The following TMEM45B variants were observed in gnomAD, a reference collection of about 807,000 sequenced individuals.
TMEM45B encodes the protein transmembrane protein 45B.
TMEM45B carries 29 observed loss-of-function variants against 27.3 expected under a neutral mutation model. The observed-to-expected ratio is 1.06, with a 90% CI of 0.79 to 1.45. The LOEUF (loss-of-function observed/expected upper bound fraction) is 1.45. TMEM45B is among the 40% of genes most tolerant of loss of function. The pLI is 0.00. For synonymous variants in TMEM45B, 143 were observed against 134.7 expected (o/e 1.06, Z -0.43); for missense variants, 348 against 343.9 (o/e 1.01, Z -0.09).
At position 129,858,262 on chromosome 11, in the gene TMEM45B, A is replaced by C. The variant is rs139099025; in HGVS notation, c.717-312A>C. On this transcript the variant is annotated intron_variant, in intron 5 of 5. Coordinates refer to ENST00000281441, the MANE Select transcript of TMEM45B (RefSeq NM_138788.5). Reference sequence around the variant, plus strand: ...GGTGATTTTTGCCATTATTTCATCCAGAAAGAGTTCCACACGGACCAAAGA... The same window carrying C: ...GGTGATTTTTGCCATTATTTCATCCCGAAAGAGTTCCACACGGACCAAAGA... Among the ~76,000 whole-genome samples the C allele has an allele frequency of 2.0e-5, 3 of 152,314 alleles. No homozygotes were observed. The East Asian group carries it at 5.8e-4, about 29-fold the overall frequency.
chr11:129,854,856 C>T (rs763038134), intron 3 of TMEM45B, 40 bp downstream of exon 3: 2 of 1,593,348 alleles, frequency 1.3e-6, no homozygotes, highest in Non-Finnish European at 1.7e-6. Flanking sequence ...GAGAGCCTGA[C>T]AAGTCATATT....
At chr11:129,850,970 A>G (rs1947838739) in intron 1 of TMEM45B, among the ~76,000 whole-genome samples, 1 of 152,000 alleles carries the variant, frequency 6.6e-6, no homozygotes, top group Non-Finnish European at 1.5e-5. Flanking sequence ...AATGTTATAA[A>G]CTCCTCTGGT....
chr11:129,819,265 G>A (rs965833380), intron 1 of TMEM45B, among the ~76,000 whole-genome samples: 1 of 152,208 alleles, frequency 6.6e-6, no homozygotes, highest in Non-Finnish European at 1.5e-5. Flanking sequence ...GTCATTAGAC[G>A]TTCATTCAGC....
intron 1 of TMEM45B, among the ~76,000 whole-genome samples, chr11:129,829,907 A>G (rs900647491): frequency 6.6e-6 from 1 of 152,256 alleles, no homozygotes; most frequent in Admixed American, 6.5e-5. Flanking sequence ...AGAAAGATAG[A>G]CAAGATGCCA....
chr11:129,843,742 T>C (rs1174488913), intron 1 of TMEM45B, among the ~76,000 whole-genome samples: 1 of 152,146 alleles, frequency 6.6e-6, no homozygotes, highest in East Asian at 1.9e-4. Context: ...CAATAAGATA[T>C]TACCTTATAC....
chr11:129,835,979 A>G (rs553093162), intron 1 of TMEM45B, among the ~76,000 whole-genome samples: 22 of 152,244 alleles, frequency 1.4e-4, no homozygotes, highest in Admixed American at 2.0e-4. Context: ...ATAGCCTTGC[A>G]TGGTGGCTCA....
At chr11:129,833,098 C>T (rs1219945471) in intron 1 of TMEM45B, among the ~76,000 whole-genome samples, 7 of 151,614 alleles carry the variant, frequency 4.6e-5, no homozygotes, top group East Asian at 2.0e-4. Flanking sequence ...AAAAATTACC[C>T]GGTTGTGGTG....
At chr11:129,847,407 A>ATTTTTTTTTTT (rs5795680) in intron 1 of TMEM45B, among the ~76,000 whole-genome samples, 10 of 67,930 alleles carry the variant, frequency 1.5e-4, no homozygotes, top group South Asian at 5.6e-4. Flanking sequence ...TTATGAAGTT[A>ATTTTTTTTTTT]TTTTTTTTTA....
intron 1 of TMEM45B, among the ~76,000 whole-genome samples, chr11:129,837,062 A>G (rs1947629116): frequency 6.6e-6 from 1 of 152,190 alleles, no homozygotes; most frequent in Non-Finnish European, 1.5e-5. Context: ...AGTCTCAGCA[A>G]TGCCGAGGCT....
Position 129,840,946 on chromosome 11 carries a change from TAAAAA to T in TMEM45B, c.-8-11509_-8-11505del, listed in dbSNP as rs55905045. 9.6e-4 allele frequency among the ~76,000 whole-genome samples: 28 copies of T among 29,268 alleles called. No homozygotes were observed. In the East Asian group the frequency reaches 0.015, roughly 16 times the overall value. 19.2% of individuals were successfully genotyped at this position (29,268 alleles called of 152,430 possible). ...CAAAGAGGCAGGCAATTTCTTTCTGTAAAAAAAAAAAAAAAAAAAAAAAAGCAACA... is the reference window on the plus strand; with the variant it reads ...CAAAGAGGCAGGCAATTTCTTTCTGTAAAAAAAAAAAAAAAAAAAGCAACA... On this transcript the variant is annotated intron_variant, in intron 1 of 5. Coordinates refer to ENST00000281441, the MANE Select transcript of TMEM45B (RefSeq NM_138788.5).
chr11:129,847,411 T>TTTTTTATTTA lies in TMEM45B; in HGVS notation c.-8-5055_-8-5054insATTTTTATTT, dbSNP rs1565370723. The stretch of plus-strand genomic sequence containing the variant: ...TTTTTAAAAGCTTATGAAGTTATTT[T>TTTTTTATTTA]TTTTTATTTTTTTTTATTGATCATT... On this transcript the variant is annotated intron_variant, in intron 1 of 5. Coordinates refer to ENST00000281441, the MANE Select transcript of TMEM45B (RefSeq NM_138788.5). 6.4e-4 allele frequency among the ~76,000 whole-genome samples: 55 copies of TTTTTTATTTA among 86,420 alleles called. No homozygotes were observed. The East Asian group carries it at 0.014, about 22-fold the overall frequency. The allele number at this position is 86,420 out of a possible 152,430, so 56.7% of individuals were successfully genotyped here.
intron 1 of TMEM45B, among the ~76,000 whole-genome samples, chr11:129,840,946 T>TAA (rs55905045): frequency 0.16 from 4,594 of 29,048 alleles, 414 homozygotes; most frequent in South Asian, 0.21. Context: ...TTTCTTTCTG[T>TAA]AAAAAAAAAA....
intron 1 of TMEM45B, among the ~76,000 whole-genome samples, chr11:129,831,743 T>C (rs1947549155): frequency 6.6e-6 from 1 of 152,134 alleles, no homozygotes; most frequent in African/African-American, 2.4e-5. Context: ...ATGTGACACA[T>C]CCATACAATG....
intron 1 of TMEM45B, among the ~76,000 whole-genome samples, chr11:129,852,235 C>G (rs968782335): frequency 6.7e-6 from 1 of 148,378 alleles, no homozygotes; most frequent in Non-Finnish European, 1.5e-5. Context: ...CCACCCTCAT[C>G]CTTTTATTTT....
chr11:129,841,114 A>G (rs1416327103), intron 1 of TMEM45B, among the ~76,000 whole-genome samples: 1 of 151,848 alleles, frequency 6.6e-6, no homozygotes, highest in African/African-American at 2.4e-5. Flanking sequence ...TCAGGCAAGT[A>G]GGAGATGGTG....
At chr11:129,856,115 G>T (rs143157600) in intron 4 of TMEM45B, among the ~76,000 whole-genome samples, 1 of 152,148 alleles carries the variant, frequency 6.6e-6, no homozygotes, top group Non-Finnish European at 1.5e-5. Context: ...TTTAAAGCAT[G>T]CACGGTGACG....
intron 4 of TMEM45B, 135 bp downstream of exon 4, chr11:129,856,027 A>G (rs375683051): frequency 9.7e-7 from 1 of 1,032,154 alleles, no homozygotes; most frequent in Admixed American, 2.7e-5. Context: ...GGTTTAGATG[A>G]CCCTTTTCCC....
intron 1 of TMEM45B, among the ~76,000 whole-genome samples, chr11:129,827,901 C>T (rs781319952): frequency 4.6e-5 from 7 of 152,090 alleles, no homozygotes; most frequent in African/African-American, 9.7e-5. Flanking sequence ...ACCCTGGGGG[C>T]GGAGGTTGCA....
intron 1 of TMEM45B, among the ~76,000 whole-genome samples, chr11:129,833,773 C>T (rs542411181): frequency 6.6e-6 from 1 of 152,112 alleles, no homozygotes; most frequent in East Asian, 1.9e-4. Context: ...AAACCTGTGT[C>T]TGAAATAAAA....
Sources: gnomAD v4.1 joint callset for allele counts (sites outside exome capture counted in the v4.1 genomes callset) on GRCh38, gnomAD v4.1.1 for gene constraint, MANE v1.5 for transcripts, NCBI Gene and HGNC (gene_info 2026-07-23, HGNC 2026-07-21) for gene names.